The following CELF5 variants were observed in gnomAD, a reference collection of about 807,000 sequenced individuals.
CELF5 encodes CUG-BP and ETR-3 like factor 5.
A neutral mutation model predicts 54.9 loss-of-function variants in CELF5; 6 were observed. The observed-to-expected ratio is 0.11, with a 90% CI of 0.06 to 0.22. The LOEUF is 0.22. Ranked by LOEUF, CELF5 falls within the 10% of genes least tolerant of loss-of-function variation. CELF5 has a pLI of 1.00. For synonymous variants in CELF5, 271 were observed against 290.9 expected, an observed-to-expected ratio of 0.93 and a Z score of 0.70; for missense variants, 401 against 678.6, an observed-to-expected ratio of 0.59 and a Z score of 4.54.
intron 1 of CELF5, chr19:3,225,495 C>A: frequency 2.3e-6 from 2 of 879,950 alleles, no homozygotes; most frequent in Non-Finnish European, 2.7e-6. Flanking sequence ...ATTCAGCCTC[C>A]CCAGGCCCCG....
At chr19:3,283,294 T>C (rs536850576) in intron 8 of CELF5, among the ~76,000 whole-genome samples, 12 of 152,332 alleles carry the variant, frequency 7.9e-5, no homozygotes, top group Admixed American at 4.6e-4. Context: ...AAGTAAGTTA[T>C]CTGTCTTTCC....
rs113956897 is a variant in CELF5 at position 3,230,077 on chromosome 19, CTCATTCATTCAT to C, written c.259+5107_259+5118del. On this transcript the variant is annotated intron_variant, in intron 1 of 12. Transcript: ENST00000292672. ...ATTGGAAACACCTGGTAGGACCACA[CTCATTCATTCAT>C]TCATTCATTCATTCATTCATTCATT... Among the ~76,000 whole-genome samples the C allele has an allele frequency of 6.2e-4, 93 of 149,318 alleles. 1 individual carries two copies. Among genetic ancestry groups the C allele is most frequent in the Middle Eastern group, 3.4e-3 (1 of 294 alleles).
rs146490120 is a variant in CELF5, at chr19:3,278,490, C to A, written c.603+380C>A. On this transcript the variant is annotated intron_variant, in intron 5 of 12. Transcript: ENST00000292672. This position sits in a 1 kb window ranked among gnomAD's most constrained non-coding sequence, Gnocchi z 4.5. ...GCGAGTGTTATGTGAGTGCTGTGTG[C>A]ACGAGGGGTGTGCGTAAATATGTAT... Among the ~76,000 whole-genome samples, 6 of 151,674 alleles carry A rather than the reference C, an allele frequency of 4.0e-5. No individual in the cohort carries two copies. Among genetic ancestry groups the A allele is most frequent in the African/African-American group, 7.3e-5 (3 of 41,336 alleles).
intron 1 of CELF5, among the ~76,000 whole-genome samples, chr19:3,236,988 C>CAA (rs59437366): frequency 2.4e-4 from 26 of 107,076 alleles, no homozygotes; most frequent in South Asian, 1.5e-3. Context: ...GACTCCATCT[C>CAA]AAAAAAAAAA....
intron 1 of CELF5, among the ~76,000 whole-genome samples, chr19:3,248,530 G>A (rs1003747064): frequency 6.6e-6 from 1 of 152,130 alleles, no homozygotes; most frequent in Non-Finnish European, 1.5e-5. Context: ...CCCACGTTGT[G>A]TCAGGTATCA....
At chr19:3,230,929 C>T (rs1193290956) in intron 1 of CELF5, among the ~76,000 whole-genome samples, 1 of 152,226 alleles carries the variant, frequency 6.6e-6, no homozygotes, top group Non-Finnish European at 1.5e-5. Context: ...AGAGGGGCAA[C>T]ACCCAGCCCA....
In CELF5 at chr19:3,281,618, T is replaced by C. The variant is rs190683207; in HGVS notation, c.750+273T>C. ...AATTAGGCCCAATTCTGGCTGAACC[T>C]CCAAATCCAGACTGATCCCAAACTG... On this transcript the variant is annotated intron_variant, in intron 6 of 12. Transcript: ENST00000292672. The surrounding 1 kb of genome is among the most constrained non-coding windows in gnomAD (Gnocchi z 6.5). Among the ~76,000 whole-genome samples, 4 of 152,184 alleles carry C rather than the reference T, an allele frequency of 2.6e-5. No individual in the cohort carries two copies. The East Asian group carries it at 7.7e-4, about 29-fold the overall frequency.
At chr19:3,260,070 A>G (rs1212494222) in intron 2 of CELF5, among the ~76,000 whole-genome samples, 2 of 152,170 alleles carry the variant, frequency 1.3e-5, no homozygotes, top group African/African-American at 4.8e-5. Context: ...TGAACCCAAT[A>G]TATCCCAATT....
At chr19:3,295,561 G>T (rs1286586429) in intron 12 of CELF5, 1 of 54,254 alleles carries the variant, frequency 1.8e-5, no homozygotes, top group Non-Finnish European at 3.5e-5. Context: ...ACCACCTCCT[G>T]GCTGGCACAT....
intron 2 of CELF5, among the ~76,000 whole-genome samples, chr19:3,271,478 T>C (rs1283132654): frequency 2.6e-5 from 4 of 151,966 alleles, no homozygotes; most frequent in Non-Finnish European, 5.9e-5. Context: ...AGGGTGCGGC[T>C]GGGCGGCAGG....
Position 3,275,757 on chromosome 19 carries a change from TCCTG to T in CELF5, c.395-96_395-93del. On this transcript the variant is annotated intron_variant, in intron 3 of 12. Transcript: ENST00000292672. This position sits in a 1 kb window ranked among gnomAD's most constrained non-coding sequence, Gnocchi z 6.7. ...CCGGCAGGGCCCGGGCGCCGCGTCT[TCCTG>T]CCCTGCCGCCTCCACTCTGCTGGAG... 7.4e-7 allele frequency: 1 copy of T among 1,348,428 alleles called. No homozygotes were observed. Among genetic ancestry groups the T allele is most frequent in the South Asian group, 1.5e-5 (1 of 68,850 alleles). The allele number at this position is 1,348,428 out of a possible 1,614,324, so 83.5% of individuals were successfully genotyped here. A position where few individuals can be genotyped will look rare whatever the true frequency, so the allele number is the denominator to read the frequency against.
At chr19:3,277,746 T>G (rs893988494) in intron 4 of CELF5, among the ~76,000 whole-genome samples, 3 of 152,170 alleles carry the variant, frequency 2.0e-5, no homozygotes, top group African/African-American at 7.2e-5. Context: ...TCTGTGTGTG[T>G]GGCTGTCTGT....
chr19:3,262,103 C>T (rs765163678), intron 2 of CELF5, among the ~76,000 whole-genome samples: 3 of 152,108 alleles, frequency 2.0e-5, no homozygotes, highest in Non-Finnish European at 2.9e-5. Context: ...GGCGTGATCT[C>T]GGCTCACTGC....
Position 3,289,220 on chromosome 19 carries a change from A to C in CELF5, c.1187-1011A>C, listed in dbSNP as rs534453068. 1.4e-4 allele frequency among the ~76,000 whole-genome samples: 21 copies of C among 152,208 alleles called. No individual in the cohort carries two copies. In the South Asian group the frequency reaches 4.1e-3, roughly 30 times the overall value. On this transcript the variant is annotated intron_variant, in intron 10 of 12. Coordinates refer to ENST00000292672, the MANE Select transcript of CELF5 (RefSeq NM_021938.4). ...TTTGAAAATTATCCAAGGTCTGGGG[A>C]GTTATCCCTAGCTGGGGTTTGAGAA...
intron 1 of CELF5, among the ~76,000 whole-genome samples, chr19:3,239,214 C>G (rs1038472365): frequency 1.3e-5 from 2 of 152,086 alleles, no homozygotes; most frequent in African/African-American, 4.8e-5. Flanking sequence ...ATCCTCCCGC[C>G]TCAGCCCGTT....
At position 3,281,131 on chromosome 19, in the gene CELF5, T is replaced by A; in HGVS notation, c.604-68T>A. On this transcript the variant is annotated intron_variant, in intron 5 of 12. Transcript: ENST00000292672. This position sits in a 1 kb window ranked among gnomAD's most constrained non-coding sequence, Gnocchi z 6.5. ...CCCAGGAGGCCTGAGCTAACATGAA[T>A]CCAGGGACCCCAGAGTCCTGGCTAC... 6.4e-7 allele frequency: 1 copy of A among 1,554,894 alleles called. No homozygotes were observed. Among genetic ancestry groups the A allele is most frequent in the Non-Finnish European group, 8.7e-7 (1 of 1,145,822 alleles).
At chr19:3,293,731 G>A (rs1364059747) in intron 12 of CELF5, 3 of 388,254 alleles carry the variant, frequency 7.7e-6, no homozygotes, top group Non-Finnish European at 1.4e-5. Flanking sequence ...GCCCAGTGAG[G>A]TCGGTTAGGG....
Position 3,285,983 on chromosome 19 carries a change from G to A in CELF5, c.1144G>A (p.Val382Ile). The change falls in exon 10 of 13, where the codon GTC becomes ATC. Residue 382 changes from valine (V) to isoleucine (I), a missense_variant. Physicochemically the swap from Val to Ile is conservative, Grantham distance 29. Coordinates refer to ENST00000292672, the MANE Select transcript of CELF5 (RefSeq NM_021938.4). Reference sequence around the variant, plus strand: ...GGCCATCACGCCCATCGCGCACAGCGTCCCCCAGCCGCCGCCCCTCCTGCA... The same window carrying A: ...GGCCATCACGCCCATCGCGCACAGCATCCCCCAGCCGCCGCCCCTCCTGCA... ...TAAITPIAHS[V>I]PQPPPLLQQQ... is the part of the protein sequence containing the mutation. 1 of 1,583,806 alleles carries A rather than the reference G, an allele frequency of 6.3e-7. No homozygotes were observed. Among genetic ancestry groups the A allele is most frequent in the East Asian group, 2.4e-5 (1 of 41,930 alleles).
chr19:3,266,018 G>T (rs940816995), intron 2 of CELF5, among the ~76,000 whole-genome samples: 2 of 152,110 alleles, frequency 1.3e-5, no homozygotes, highest in Non-Finnish European at 1.5e-5. Flanking sequence ...TGTTGGTAAG[G>T]CTGGTCTCGA....
Sources: gnomAD v4.1 joint callset for allele counts (sites outside exome capture counted in the v4.1 genomes callset) on GRCh38, gnomAD v4.1.1 for gene constraint, Gnocchi (gnomAD v3.1) non-coding constraint, MANE v1.5 for transcripts, NCBI Gene and HGNC (gene_info 2026-07-23, HGNC 2026-07-21) for gene names.